Variants in CCT6B observed in about 807,000 individuals in gnomAD.
CCT6B encodes probable T-complex protein 1 subunit zeta-2.
A neutral mutation model predicts 61.5 loss-of-function variants in CCT6B; 49 were observed. That is an observed-to-expected ratio of 0.80 (90% CI 0.63 to 1.01). CCT6B has a LOEUF of 1.01. Among genes scored for constraint, CCT6B ranks in the 50% least tolerant of loss-of-function variants. CCT6B has a pLI of 0.00. For missense variants in CCT6B, 666 were observed against 634.7 expected, an observed-to-expected ratio of 1.05 and a Z score of -0.53; for synonymous variants, 228 against 214.5, an observed-to-expected ratio of 1.06 and a Z score of -0.55.
At chr17:34,959,471 G>A in intron 2 of CCT6B, 116 bp downstream of exon 2, 1 of 750,466 alleles carries the variant, frequency 1.3e-6, no homozygotes. Context: ...ACAGTCTTCA[G>A]CATATCTCAA....
rs568010105 is a variant in CCT6B, at chr17:34,948,437, G to A, written c.614+3513C>T. 1.7e-3 allele frequency among the ~76,000 whole-genome samples: 266 copies of A among 152,124 alleles called. 1 individual carries two copies. Among genetic ancestry groups the A allele is most frequent in the African/African-American group, 6.2e-3 (258 of 41,512 alleles). On this transcript the variant is annotated intron_variant, in intron 5 of 13. Transcript: ENST00000314144. The stretch of plus-strand genomic sequence containing the variant: ...ATACTAATTAAAAGAAAACTGGGCC[G>A]GGCACAGTGGCTCATGCCTGTAATC...
intron 8 of CCT6B, among the ~76,000 whole-genome samples, chr17:34,940,031 C>A (rs1198543393): frequency 6.6e-6 from 1 of 152,058 alleles, no homozygotes; most frequent in Admixed American, 6.6e-5. Flanking sequence ...ATTGTGCATT[C>A]TCGGGTGGGT....
intron 7 of CCT6B, among the ~76,000 whole-genome samples, chr17:34,941,083 C>T (rs1175495815): frequency 6.6e-6 from 1 of 152,098 alleles, no homozygotes; most frequent in East Asian, 1.9e-4. Context: ...TTTTAATAGG[C>T]TTTTCAGATA....
chr17:34,953,303 C>A (rs765152726), intron 4 of CCT6B, among the ~76,000 whole-genome samples: 2 of 145,892 alleles, frequency 1.4e-5, no homozygotes, highest in Non-Finnish European at 3.0e-5. Flanking sequence ...TCCAGCCAAT[C>A]TTGTCTTTAT....
chr17:34,930,000 C>T (rs2090017905), intron 12 of CCT6B, among the ~76,000 whole-genome samples: 1 of 152,218 alleles, frequency 6.6e-6, no homozygotes, highest in Non-Finnish European at 1.5e-5. Context: ...CAACTCCAAC[C>T]TTCTACTTGT....
chr17:34,935,269 T>C (rs900378202), intron 10 of CCT6B, among the ~76,000 whole-genome samples: 2 of 152,096 alleles, frequency 1.3e-5, no homozygotes, highest in Admixed American at 6.6e-5. Context: ...TGGAGAGATA[T>C]TGTTTAATGG....
chr17:34,955,032 G>A (rs1303697829), intron 3 of CCT6B, among the ~76,000 whole-genome samples: 5 of 152,210 alleles, frequency 3.3e-5, no homozygotes, highest in Non-Finnish European at 5.9e-5. Context: ...CTGCTGACAT[G>A]ATGCATTCAG....
intron 3 of CCT6B, among the ~76,000 whole-genome samples, chr17:34,957,121 T>TTTTTCTTTCC (rs1567674155): frequency 6.8e-6 from 1 of 147,812 alleles, no homozygotes; most frequent in Non-Finnish European, 1.5e-5. Flanking sequence ...TCTTACTTTC[T>TTTTTCTTTCC]TTTTCTTTCC....
chr17:34,946,822 C>T (rs1188365623), intron 5 of CCT6B, among the ~76,000 whole-genome samples: 1 of 152,160 alleles, frequency 6.6e-6, no homozygotes, highest in Non-Finnish European at 1.5e-5. Flanking sequence ...CCTTATGATT[C>T]CTTATACAAG....
Position 34,927,969 on chromosome 17 carries a change from G to C in CCT6B, c.*79C>G, listed in dbSNP as rs868424075. On this transcript the variant is annotated 3_prime_UTR_variant, in exon 14 of 14. Transcript: ENST00000314144. ...ATTTATTGTGTAGAAATTCAGAATG[G>C]CTCAGGCTACACAATAGTAGTCAGA... The C allele has an allele frequency of 2.7e-5, 26 of 955,680 alleles. No individual in the cohort carries two copies. In the African/African-American group the frequency reaches 3.0e-4, roughly 11 times the overall value. The allele number at this position is 955,680 out of a possible 1,614,324, so 59.2% of individuals were successfully genotyped here. A position where few individuals can be genotyped will look rare whatever the true frequency, so the allele number is the denominator to read the frequency against.
At chr17:34,930,863 C>T in intron 12 of CCT6B, 86 bp downstream of exon 12, 2 of 564,938 alleles carry the variant, frequency 3.5e-6, no homozygotes, top group Non-Finnish European at 6.3e-6. Flanking sequence ...TTAAAGTTAC[C>T]CAAACCTCTA....
chr17:34,941,109 C>A (rs925435636), intron 7 of CCT6B, among the ~76,000 whole-genome samples: 4 of 152,094 alleles, frequency 2.6e-5, no homozygotes, highest in African/African-American at 9.7e-5. Context: ...GGAAATTCTT[C>A]TTTGATACTA....
At chr17:34,950,922 C>T (rs1225168224) in intron 5 of CCT6B, among the ~76,000 whole-genome samples, 1 of 148,396 alleles carries the variant, frequency 6.7e-6, no homozygotes, top group East Asian at 2.0e-4. Context: ...GAGTGAGACT[C>T]CATCTCAAAA....
chr17:34,961,343 C>G lies in CCT6B; in HGVS notation c.51G>C (p.Arg17=). Residue 17 remains arginine (R), a synonymous_variant, in exon 1 of 14, where the codon CGG becomes CGC. Coordinates refer to ENST00000314144, the MANE Select transcript of CCT6B (RefSeq NM_006584.4). ...CGCATATATTGACAGCCAAAGCTGC[C>G]CGGGCCCGCGCCACCTCAGCCTTGG... ...VNSKAEVARA[R]AALAVNICAA... is the part of the protein sequence containing the mutation. 6.2e-7 allele frequency: 1 copy of G among 1,612,876 alleles called. No individual in the cohort carries two copies. Among genetic ancestry groups the G allele is most frequent in the Non-Finnish European group, 8.5e-7 (1 of 1,179,974 alleles).
At chr17:34,948,838 G>T (rs2090255855) in intron 5 of CCT6B, among the ~76,000 whole-genome samples, 1 of 151,592 alleles carries the variant, frequency 6.6e-6, no homozygotes, top group South Asian at 2.1e-4. Context: ...TTTGAGACCA[G>T]CCTGGGCAAC....
At chr17:34,946,529 C>T (rs2090225727) in intron 5 of CCT6B, among the ~76,000 whole-genome samples, 1 of 152,016 alleles carries the variant, frequency 6.6e-6, no homozygotes, top group African/African-American at 2.4e-5. Context: ...ATAAGGATAT[C>T]CACACATATA....
intron 10 of CCT6B, among the ~76,000 whole-genome samples, chr17:34,935,817 A>T (rs549901808): frequency 6.6e-6 from 1 of 151,748 alleles, no homozygotes; most frequent in Non-Finnish European, 1.5e-5. Flanking sequence ...GGATTGCGCC[A>T]TGGCACTCCA....
rs113723835 is a variant in CCT6B at position 34,935,924 on chromosome 17, C to CGTGT, written c.1213+3255_1213+3258dup. Among the ~76,000 whole-genome samples the CGTGT allele has an allele frequency of 1.7e-3, 248 of 147,862 alleles. No individual in the cohort carries two copies. In the East Asian group the frequency reaches 0.023, roughly 14 times the overall value. On this transcript the variant is annotated intron_variant, in intron 10 of 13. Transcript: ENST00000314144. The stretch of plus-strand genomic sequence containing the variant: ...ACAAGAAGCATTTGGCATTTATTCT[C>CGTGT]GTGTGTGTGTGTGTGTGTGTGTGTT...
Position 34,939,200 on chromosome 17 carries a change from T to C in CCT6B, c.1196A>G (p.Lys399Arg). Reference protein sequence around the residue: ...DAIRDGLRAIKNAIEDGCMVP... With the variant: ...DAIRDGLRAIRNAIEDGCMVP... ...GAGCTTACCATCTTCAATGGCATTT[T>C]TGATAGCACGAAGTCCATCTCTTAT... is the stretch of plus-strand genomic sequence containing the variant. Residue 399 changes from lysine to arginine, a missense_variant, in exon 10 of 14, where the codon AAA becomes AGA. Transcript: ENST00000314144. 6.2e-7 allele frequency: 1 copy of C among 1,613,828 alleles called. No homozygotes were observed. The highest frequency in any genetic ancestry group is 8.5e-7 in the Non-Finnish European group (1 of 1,179,864).
Sources: allele counts gnomAD v4.1 joint callset (sites outside exome capture counted in the v4.1 genomes callset), GRCh38; gene constraint gnomAD v4.1.1; transcripts MANE v1.5; gene names NCBI Gene and HGNC (gene_info 2026-07-23, HGNC 2026-07-21).